Variants in MIOS observed in about 807,000 individuals in gnomAD.
The protein encoded by MIOS is meiosis regulator for oocyte development.
MIOS carries 52 observed loss-of-function variants against 96.9 expected under a neutral mutation model. The observed-to-expected ratio is 0.54, with a 90% CI of 0.43 to 0.68. The LOEUF is 0.68. MIOS is among the 30% of genes least tolerant of loss of function. The pLI is 0.00. For missense variants in MIOS, 1,005 were observed against 1,052.8 expected (o/e 0.95, Z 0.63); for synonymous variants, 397 against 359.5 (o/e 1.10, Z -1.18).
intron 6 of MIOS, 55 bp downstream of exon 6, chr7:7,583,427 G>A (rs1290208201): frequency 1.5e-5 from 22 of 1,442,234 alleles, no homozygotes; most frequent in South Asian, 6.6e-5. Flanking sequence ...AGCAGTTCAT[G>A]GAATCTTTTA....
intron 10 of MIOS, 62 bp downstream of exon 10, chr7:7,595,194 A>C: frequency 6.5e-7 from 1 of 1,530,728 alleles, no homozygotes; most frequent in Non-Finnish European, 8.8e-7. Flanking sequence ...TTAATAAGTT[A>C]CTATTAGCTC....
At chr7:7,578,008 G>T (rs1017665757) in intron 5 of MIOS, among the ~76,000 whole-genome samples, 4 of 152,176 alleles carry the variant, frequency 2.6e-5, no homozygotes, top group Non-Finnish European at 4.4e-5. Context: ...AATAATAGTG[G>T]TGAAGACACT....
At chr7:7,599,513 T>C (rs1387251421) in intron 11 of MIOS, among the ~76,000 whole-genome samples, 1 of 152,240 alleles carries the variant, frequency 6.6e-6, no homozygotes, top group Non-Finnish European at 1.5e-5. Flanking sequence ...AAGCCAGTCC[T>C]TTAAAGTTTG....
intron 1 of MIOS, 41 bp from the exon 2 acceptor site, chr7:7,567,566 A>G (rs1783188378): frequency 6.6e-6 from 1 of 152,214 alleles, no homozygotes; most frequent in Admixed American, 6.5e-5. Flanking sequence ...ACTTTGCTGA[A>G]TAGGTTAGCA....
intron 3 of MIOS, among the ~76,000 whole-genome samples, chr7:7,568,482 GA>G (rs979565248): frequency 2.0e-5 from 3 of 151,830 alleles, no homozygotes; most frequent in Non-Finnish European, 2.9e-5. Context: ...ATTACATGGT[GA>G]AAAAAAATAC....
At chr7:7,575,527 A>G (rs1563017312) in intron 5 of MIOS, among the ~76,000 whole-genome samples, 1 of 152,148 alleles carries the variant, frequency 6.6e-6, no homozygotes, top group African/African-American at 2.4e-5. Context: ...ACTCCCACAA[A>G]TGAACCTGGT....
At chr7:7,586,223 G>T (rs564630022) in intron 7 of MIOS, among the ~76,000 whole-genome samples, 1 of 151,834 alleles carries the variant, frequency 6.6e-6, no homozygotes, top group Admixed American at 6.6e-5. Context: ...CACGATTATT[G>T]ATCAGTTATG....
In MIOS at chr7:7,595,228, C is replaced by A; in HGVS notation, c.2196+96C>A. 3.9e-6 allele frequency: 5 copies of A among 1,292,050 alleles called. 1 individual carries two copies. Among genetic ancestry groups the A allele is most frequent in the South Asian group, 3.0e-5 (2 of 66,328 alleles). The allele number at this position is 1,292,050 out of a possible 1,614,324, so 80.0% of individuals were successfully genotyped here. A position where few individuals can be genotyped will look rare whatever the true frequency, so the allele number is the denominator to read the frequency against. ...TCATTATTTTGCTTATATTGAGTTC[C>A]CATTGATGTCTTTGTCTTTTGTAGA... On this transcript the variant is annotated intron_variant, in intron 10 of 12. Transcript: ENST00000340080.
At chr7:7,592,485 A>G (rs1251818713) in intron 9 of MIOS, among the ~76,000 whole-genome samples, 1 of 152,138 alleles carries the variant, frequency 6.6e-6, no homozygotes, top group African/African-American at 2.4e-5. Flanking sequence ...ATTCCAGCAC[A>G]TTGTATTTAT....
chr7:7,573,893 CATT>C lies in MIOS; in HGVS notation c.1294+127_1294+129del, dbSNP rs1783438075. On this transcript the variant is annotated intron_variant, in intron 4 of 12. Transcript: ENST00000340080. The surrounding 1 kb of genome is among the most constrained non-coding windows in gnomAD (Gnocchi z 5.0). ...ACAAATACAAGTTACATAATACTAA[CATT>C]ATAAAGTAAAATTGTTCTAAACTTT... is the stretch of plus-strand genomic sequence containing the variant. 1 of 1,055,470 alleles carries C rather than the reference CATT, an allele frequency of 9.5e-7. No individual in the cohort carries two copies. The highest frequency in any genetic ancestry group is 1.4e-6 in the Non-Finnish European group (1 of 732,966). 65.4% of individuals were successfully genotyped at this position (1,055,470 alleles called of 1,614,324 possible). A position where few individuals can be genotyped will look rare whatever the true frequency, so the allele number is the denominator to read the frequency against.
intron 3 of MIOS, among the ~76,000 whole-genome samples, chr7:7,568,687 C>G (rs1490790648): frequency 1.3e-5 from 2 of 152,190 alleles, no homozygotes; most frequent in Non-Finnish European, 2.9e-5. Context: ...TGCACCACGT[C>G]CTGCATATCG....
At chr7:7,602,916 C>T (rs1176027076) in intron 11 of MIOS, among the ~76,000 whole-genome samples, 1 of 152,118 alleles carries the variant, frequency 6.6e-6, no homozygotes, top group African/African-American at 2.4e-5. Context: ...AATAATGCCA[C>T]CTATCTACAA....
chr7:7,571,245 A>C, intron 3 of MIOS, among the ~76,000 whole-genome samples: 1 of 152,218 alleles, frequency 6.6e-6, no homozygotes, highest in African/African-American at 2.4e-5. Context: ...GGCAACCTTA[A>C]TTATTGAAAC....
Position 7,572,481 on chromosome 7 carries a change from C to T in MIOS, c.6C>T (p.Ser2=), listed in dbSNP as rs760348580. The T allele has an allele frequency of 3.0e-5, 48 of 1,608,646 alleles. 1 individual carries two copies. Among genetic ancestry groups the T allele is most frequent in the African/African-American group, 5.4e-5 (4 of 74,724 alleles). M[S]GTKPDILWAP... ...CTTTGATCACATCAGTAAACATGAG[C>T]GGTACCAAACCTGATATTTTATGGG... The change falls in exon 4 of 13, where the codon AGC becomes AGT. Residue 2 remains serine (S), a synonymous_variant. Transcript: ENST00000340080. The surrounding 1 kb of genome is among the most constrained non-coding windows in gnomAD (Gnocchi z 4.8).
intron 9 of MIOS, among the ~76,000 whole-genome samples, 172 bp downstream of exon 9, chr7:7,589,735 C>A (rs1203591018): frequency 6.6e-6 from 1 of 152,186 alleles, no homozygotes; most frequent in African/African-American, 2.4e-5. Flanking sequence ...TGTCCCTAAG[C>A]CTCTTCATTG....
chr7:7,567,877 C>T (rs1481380835), intron 2 of MIOS, 149 bp from the exon 3 acceptor site: 1 of 152,170 alleles, frequency 6.6e-6, no homozygotes, highest in Non-Finnish European at 1.5e-5. Context: ...ATAATTTTTG[C>T]ATTGATTACA....
At chr7:7,584,217 C>T (rs1179050759) in intron 6 of MIOS, among the ~76,000 whole-genome samples, 1 of 151,316 alleles carries the variant, frequency 6.6e-6, no homozygotes, top group African/African-American at 2.5e-5. Flanking sequence ...ATGTTTTGCT[C>T]AGATTGGCAT....
chr7:7,601,283 GT>G (rs540107163), intron 11 of MIOS, among the ~76,000 whole-genome samples: 7 of 148,358 alleles, frequency 4.7e-5, no homozygotes, highest in South Asian at 4.3e-4. Context: ...CCAGGAGCTG[GT>G]TTTTTTTTTG....
intron 11 of MIOS, among the ~76,000 whole-genome samples, chr7:7,601,975 A>T (rs1271606559): frequency 1.3e-5 from 2 of 152,236 alleles, no homozygotes; most frequent in Non-Finnish European, 2.9e-5. Context: ...CAAAAACCAC[A>T]TGATTATCTC....
Sources: gnomAD v4.1 joint callset for allele counts (sites outside exome capture counted in the v4.1 genomes callset) on GRCh38, gnomAD v4.1.1 for gene constraint, Gnocchi (gnomAD v3.1) non-coding constraint, MANE v1.5 for transcripts, NCBI Gene and HGNC (gene_info 2026-07-23, HGNC 2026-07-21) for gene names.